The following GRAMD1C variants were observed in gnomAD, a reference collection of about 807,000 sequenced individuals.
GRAMD1C encodes the protein protein Aster-C.
Under a neutral mutation model 97.8 loss-of-function variants are expected in GRAMD1C, and 89 were observed. That is an observed-to-expected ratio of 0.91 (90% confidence interval 0.77 to 1.09). The LOEUF (loss-of-function observed/expected upper bound fraction) is 1.09. Ranked by LOEUF, GRAMD1C falls within the 50% of genes least tolerant of loss-of-function variation. The pLI, the probability that GRAMD1C is intolerant of heterozygous loss-of-function variation, is 0.00. For synonymous variants in GRAMD1C, 256 were observed against 267.0 expected (o/e 0.96, Z 0.40); for missense variants, 740 against 766.4 (o/e 0.97, Z 0.41).
chr3:113,854,844 G>A (rs1934054391), intron 2 of GRAMD1C, among the ~76,000 whole-genome samples: 1 of 152,176 alleles, frequency 6.6e-6, no homozygotes, highest in Non-Finnish European at 1.5e-5. Context: ...AACTAGAATG[G>A]TGATATGTTA....
Position 113,936,440 on chromosome 3 carries a change from C to G in GRAMD1C, c.1631C>G (p.Thr544Arg). The G allele has an allele frequency of 6.3e-7, 1 of 1,590,286 alleles. No individual in the cohort carries two copies. The highest frequency in any genetic ancestry group is 8.6e-7 in the Non-Finnish European group (1 of 1,165,502). Residue 544 changes from threonine to arginine, a missense_variant and splice_region_variant, in exon 14 of 18, where the codon ACA becomes AGA. Transcript: ENST00000358160. Reference sequence around the variant, plus strand: ...GGCTTAGGTGCCAAAGGGGATATTACAGGTAGTTGTCACCTGGTAAACAGA... The same window carrying G: ...GGCTTAGGTGCCAAAGGGGATATTAGAGGTAGTTGTCACCTGGTAAACAGA... Reference protein sequence around the residue: ...DVGLGAKGDITGKKKEMENYN... With the variant: ...DVGLGAKGDIRGKKKEMENYN...
At chr3:113,881,762 G>T (rs528364810) in intron 5 of GRAMD1C, among the ~76,000 whole-genome samples, 1 of 152,080 alleles carries the variant, frequency 6.6e-6, no homozygotes, top group Non-Finnish European at 1.5e-5. Flanking sequence ...AGGGAATAGG[G>T]AACAGCATGT....
intron 6 of GRAMD1C, among the ~76,000 whole-genome samples, chr3:113,884,979 C>T (rs1935403731): frequency 7.7e-6 from 1 of 130,522 alleles, no homozygotes; most frequent in South Asian, 3.0e-4. Flanking sequence ...AATTATCCTT[C>T]CCCTTCCCTC....
At chr3:113,902,587 C>T (rs1389007934) in intron 7 of GRAMD1C, among the ~76,000 whole-genome samples, 1 of 152,112 alleles carries the variant, frequency 6.6e-6, no homozygotes, top group Non-Finnish European at 1.5e-5. Flanking sequence ...AGTTTCTAGT[C>T]TTTGAGGAAA....
At chr3:113,850,552 G>A (rs1933851266) in intron 2 of GRAMD1C, 3 of 1,600,774 alleles carry the variant, frequency 1.9e-6, no homozygotes, top group African/African-American at 1.3e-5. Flanking sequence ...CAGGCAAACT[G>A]TTCCTTCACG....
chr3:113,906,231 A>G (rs1936368544), intron 8 of GRAMD1C, among the ~76,000 whole-genome samples: 1 of 152,202 alleles, frequency 6.6e-6, no homozygotes, highest in South Asian at 2.1e-4. Context: ...ATACAAAAAA[A>G]GTTAACTTTG....
intron 6 of GRAMD1C, chr3:113,886,061 TG>T (rs1212334041): frequency 1.1e-4 from 32 of 280,564 alleles, no homozygotes; most frequent in Admixed American, 1.0e-3. Context: ...TGGGTTGGGG[TG>T]GGGGGGCGGG....
chr3:113,889,533 A>G (rs1935635192), intron 6 of GRAMD1C, among the ~76,000 whole-genome samples: 1 of 152,186 alleles, frequency 6.6e-6, no homozygotes, highest in African/African-American at 2.4e-5. Context: ...CCTGAATTGT[A>G]CACTTAGAGG....
chr3:113,917,428 A>T (rs1051127835), intron 10 of GRAMD1C, among the ~76,000 whole-genome samples: 1 of 151,752 alleles, frequency 6.6e-6, no homozygotes, highest in African/African-American at 2.4e-5. Context: ...GGTTCAAGCG[A>T]TTCTTGTGCC....
intron 2 of GRAMD1C, among the ~76,000 whole-genome samples, chr3:113,849,912 A>G (rs1399732925): frequency 1.8e-4 from 24 of 133,534 alleles, no homozygotes; most frequent in African/African-American, 3.4e-4. Context: ...GCGGCTGGCC[A>G]GGCGGGGGGG....
intron 6 of GRAMD1C, among the ~76,000 whole-genome samples, 167 bp downstream of exon 6, chr3:113,882,999 A>G (rs946137065): frequency 6.6e-6 from 1 of 152,222 alleles, no homozygotes; most frequent in Non-Finnish European, 1.5e-5. Flanking sequence ...TAAGATGTTA[A>G]TTATAATCCC....
At position 113,933,630 on chromosome 3, in the gene GRAMD1C, T is replaced by C; in HGVS notation, c.1329T>C (p.Ser443=). The C allele has an allele frequency of 1.2e-6, 2 of 1,608,696 alleles. No individual in the cohort carries two copies. The highest frequency in any genetic ancestry group is 1.7e-6 in the Non-Finnish European group (2 of 1,175,440). Residue 443 remains serine (S), a synonymous_variant, in exon 12 of 18, where the codon TCT becomes TCC. Coordinates refer to ENST00000358160, the MANE Select transcript of GRAMD1C (RefSeq NM_017577.5). The part of the protein sequence containing the change: ...YTVNRYCIIR[S]SKQKCRLRVS... ...TGAACAGATACTGTATCATCCGATC[T>C]TCAAAACAGAAATGCAGGCTAAGGT... is the stretch of plus-strand genomic sequence containing the variant.
chr3:113,946,763 A>T lies in GRAMD1C; in HGVS notation c.*1285A>T, dbSNP rs1286478172. On this transcript the variant is annotated 3_prime_UTR_variant, in exon 18 of 18. Coordinates refer to ENST00000358160, the MANE Select transcript of GRAMD1C (RefSeq NM_017577.5). Reference sequence around the variant, plus strand: ...ATTTTTCTCCAGAGTCCCCAAAGCCACATGGCATTATTATAGTCATTTTTG... The same window carrying T: ...ATTTTTCTCCAGAGTCCCCAAAGCCTCATGGCATTATTATAGTCATTTTTG... The T allele has an allele frequency of 2.0e-5, 3 of 152,264 alleles. No individual in the cohort carries two copies. The highest frequency in any genetic ancestry group is 2.9e-5 in the Non-Finnish European group (2 of 68,056). The allele number at this position is 152,264 out of a possible 1,614,324, so 9.4% of individuals were successfully genotyped here. A position where few individuals can be genotyped will look rare whatever the true frequency, so the allele number is the denominator to read the frequency against.
intron 6 of GRAMD1C, among the ~76,000 whole-genome samples, chr3:113,885,027 C>T (rs574170786): frequency 4.6e-5 from 7 of 150,604 alleles, no homozygotes; most frequent in African/African-American, 1.7e-4. Flanking sequence ...CGACCTGTCT[C>T]GGCCCGCAAC....
At chr3:113,868,048 A>G (rs944644130) in intron 2 of GRAMD1C, among the ~76,000 whole-genome samples, 3 of 151,942 alleles carry the variant, frequency 2.0e-5, no homozygotes, top group African/African-American at 7.3e-5. Flanking sequence ...TCTTTCTGTC[A>G]TTTTGAATTT....
chr3:113,896,164 G>T (rs73230240), intron 6 of GRAMD1C, among the ~76,000 whole-genome samples: 2,909 of 152,212 alleles, frequency 0.019, 52 homozygotes, highest in South Asian at 0.03. Context: ...AACTGGTTTG[G>T]CAAGCTGCAT....
At chr3:113,871,230 A>G (rs765121854) in intron 3 of GRAMD1C, among the ~76,000 whole-genome samples, 9 of 151,268 alleles carry the variant, frequency 5.9e-5, no homozygotes, top group Non-Finnish European at 1.0e-4. Context: ...GTTCACATGG[A>G]TTTTTTTTTG....
Position 113,846,415 on chromosome 3 carries a change from A to AT in GRAMD1C, c.174+1775dup, listed in dbSNP as rs528016343. Among the ~76,000 whole-genome samples the AT allele has an allele frequency of 2.2e-4, 33 of 151,504 alleles. No individual in the cohort carries two copies. In the South Asian group the frequency reaches 4.2e-3, roughly 19 times the overall value. ...GCCACTGTGCCCGTCCTCTGCACTGATTTTTTTTTCTAGCTTATGTTTTAG... is the reference window on the plus strand; with the variant it reads ...GCCACTGTGCCCGTCCTCTGCACTGATTTTTTTTTTCTAGCTTATGTTTTAG... On this transcript the variant is annotated intron_variant, in intron 2 of 17. Coordinates refer to ENST00000358160, the MANE Select transcript of GRAMD1C (RefSeq NM_017577.5).
At chr3:113,852,957 T>G (rs923716740) in intron 2 of GRAMD1C, among the ~76,000 whole-genome samples, 3 of 152,200 alleles carry the variant, frequency 2.0e-5, no homozygotes, top group Non-Finnish European at 4.4e-5. Context: ...CATGAAGTTT[T>G]GGGGCTTGGA....
Sources: allele counts gnomAD v4.1 joint callset (sites outside exome capture counted in the v4.1 genomes callset), GRCh38; gene constraint gnomAD v4.1.1; transcripts MANE v1.5; gene names NCBI Gene and HGNC (gene_info 2026-07-23, HGNC 2026-07-21).